The following CUX2 variants were observed in gnomAD, a reference collection of about 807,000 sequenced individuals.
CUX2 encodes homeobox protein cut-like 2.
A neutral mutation model predicts 144.8 loss-of-function variants in CUX2; 40 were observed. That is an observed-to-expected ratio of 0.28 (90% CI 0.21 to 0.36). CUX2 has a LOEUF of 0.36. CUX2 is among the 10% of genes least tolerant of loss of function. The pLI is 1.00. For synonymous variants in CUX2, 827 were observed against 875.6 expected (o/e 0.94, Z 0.98); for missense variants, 1,615 against 1,994.0 (o/e 0.81, Z 3.62).
At chr12:111,087,645 CATTTT>C (rs1387923905) in intron 1 of CUX2, among the ~76,000 whole-genome samples, 2 of 152,136 alleles carry the variant, frequency 1.3e-5, no homozygotes, top group African/African-American at 4.8e-5. Flanking sequence ...TTTGTTCAGT[CATTTT>C]GTTTTGTATC....
intron 1 of CUX2, among the ~76,000 whole-genome samples, chr12:111,097,723 G>A (rs947366325): frequency 6.6e-6 from 1 of 152,234 alleles, no homozygotes; most frequent in Non-Finnish European, 1.5e-5. Context: ...TCAGAGTCAG[G>A]AGCCAGGGAG....
intron 1 of CUX2, among the ~76,000 whole-genome samples, chr12:111,055,959 C>T (rs1388490602): frequency 3.3e-5 from 5 of 152,230 alleles, no homozygotes; most frequent in East Asian, 1.9e-4. Flanking sequence ...CACTTAGCTG[C>T]GTGGCTCTCA....
At chr12:111,128,523 A>G (rs1415496352) in intron 1 of CUX2, among the ~76,000 whole-genome samples, 1 of 152,170 alleles carries the variant, frequency 6.6e-6, no homozygotes, top group Non-Finnish European at 1.5e-5. Flanking sequence ...CTTGGGCCCA[A>G]TCACATATAT....
rs1888921009 is a variant in CUX2, at chr12:111,348,402, G to A, written c.*77G>A. ...CACTTACTCTCCTCAACAGGATGGG[G>A]TAAGGGAGGGAGGAACTCAACCATC... On this transcript the variant is annotated 3_prime_UTR_variant, in exon 22 of 22. Transcript: ENST00000261726. The A allele has an allele frequency of 2.2e-6, 3 of 1,340,290 alleles. No homozygotes were observed. The highest frequency in any genetic ancestry group is 1.4e-5 in the African/African-American group (1 of 69,374). The allele number at this position is 1,340,290 out of a possible 1,614,324, so 83.0% of individuals were successfully genotyped here. A position where few individuals can be genotyped will look rare whatever the true frequency, so the allele number is the denominator to read the frequency against.
At chr12:111,323,619 G>T (rs754439640) in intron 18 of CUX2, among the ~76,000 whole-genome samples, 1 of 151,194 alleles carries the variant, frequency 6.6e-6, no homozygotes, top group Non-Finnish European at 1.5e-5. Context: ...GAGGGAGACC[G>T]TGTCTCTACA....
chr12:111,185,282 A>T (rs559365054), intron 1 of CUX2, among the ~76,000 whole-genome samples: 1 of 152,336 alleles, frequency 6.6e-6, no homozygotes, highest in Admixed American at 6.5e-5. Flanking sequence ...AGCAGTGTCA[A>T]AATGGTACTG....
intron 1 of CUX2, among the ~76,000 whole-genome samples, chr12:111,175,109 G>A: frequency 6.6e-6 from 1 of 152,156 alleles, no homozygotes; most frequent in Non-Finnish European, 1.5e-5. Flanking sequence ...CATCCCTGGT[G>A]AAACAGCAAC....
intron 1 of CUX2, among the ~76,000 whole-genome samples, chr12:111,105,864 CTTT>C (rs1198818010): frequency 3.3e-4 from 44 of 132,330 alleles, no homozygotes; most frequent in African/African-American, 1.1e-3. Context: ...AATAATGAGT[CTTT>C]TTTTTTTTTT....
intron 16 of CUX2, among the ~76,000 whole-genome samples, chr12:111,318,592 CTT>C (rs111586172): frequency 0.033 from 4,523 of 136,122 alleles, 177 homozygotes; most frequent in African/African-American, 0.1. Flanking sequence ...GACCACATCT[CTT>C]TTTTTAAAAA....
Position 111,208,709 on chromosome 12 carries a change from A to G in CUX2, c.64-5491A>G, listed in dbSNP as rs137879827. 5.9e-5 allele frequency among the ~76,000 whole-genome samples: 9 copies of G among 152,344 alleles called. No homozygotes were observed. The East Asian group carries it at 1.7e-3, about 29-fold the overall frequency. On this transcript the variant is annotated intron_variant, in intron 1 of 21. Transcript: ENST00000261726. ...GGACATGAAATTGTAAGCATTCAGTAGAGCCAGTGTTAGAAGGGATTGACT... is the reference window on the plus strand; with the variant it reads ...GGACATGAAATTGTAAGCATTCAGTGGAGCCAGTGTTAGAAGGGATTGACT...
intron 1 of CUX2, among the ~76,000 whole-genome samples, chr12:111,143,174 C>T (rs1223224585): frequency 6.6e-6 from 1 of 152,122 alleles, no homozygotes; most frequent in Non-Finnish European, 1.5e-5. Context: ...GGCTGGTATC[C>T]AGCAACCAGC....
At chr12:111,333,482 G>A (rs761872599) in intron 18 of CUX2, among the ~76,000 whole-genome samples, 1 of 152,192 alleles carries the variant, frequency 6.6e-6, no homozygotes, top group African/African-American at 2.4e-5. Flanking sequence ...GATTTCGACA[G>A]TTCTGCCTTT....
At chr12:111,041,419 C>T (rs1427681632) in intron 1 of CUX2, among the ~76,000 whole-genome samples, 1 of 152,196 alleles carries the variant, frequency 6.6e-6, no homozygotes, top group Non-Finnish European at 1.5e-5. Flanking sequence ...TCTCTTCTCT[C>T]TTACTCCTTT....
chr12:111,311,596 TATTATTA>T (rs201652128), intron 15 of CUX2, among the ~76,000 whole-genome samples: 23 of 124,690 alleles, frequency 1.8e-4, no homozygotes, highest in African/African-American at 3.0e-4. Flanking sequence ...ATTTCTTTAT[TATTATTA>T]TTTTTTTTTT....
At chr12:111,294,952 G>T (rs1885894987) in intron 6 of CUX2, among the ~76,000 whole-genome samples, 1 of 152,086 alleles carries the variant, frequency 6.6e-6, no homozygotes, top group Non-Finnish European at 1.5e-5. Flanking sequence ...GACAGTATAA[G>T]TAACTCACAA....
Position 111,336,424 on chromosome 12 carries a change from T to TTGTGTGTG in CUX2, c.3196+1742_3196+1749dup, listed in dbSNP as rs57009074. On this transcript the variant is annotated intron_variant, in intron 19 of 21. Coordinates refer to ENST00000261726, the MANE Select transcript of CUX2 (RefSeq NM_015267.4). ...CATTGGCCTCTCAGACACTTCAGTGTTGTGTGTGTGTGTGTGTGTGTGTGT... is the reference window on the plus strand; with the variant it reads ...CATTGGCCTCTCAGACACTTCAGTGTTGTGTGTGTGTGTGTGTGTGTGTGTGTGTGTGT... 7.1e-3 allele frequency among the ~76,000 whole-genome samples: 1,038 copies of TTGTGTGTG among 146,114 alleles called. 10 individuals are homozygous for TTGTGTGTG. Among genetic ancestry groups the TTGTGTGTG allele is most frequent in the Middle Eastern group, 0.039 (11 of 284 alleles).
chr12:111,162,038 G>T (rs527298862), intron 1 of CUX2, among the ~76,000 whole-genome samples: 8 of 152,166 alleles, frequency 5.3e-5, no homozygotes, highest in African/African-American at 1.9e-4. Flanking sequence ...ACCTGGACAG[G>T]ATGTCATTTC....
At chr12:111,047,082 GCGTGTCTCCCAGC>G (rs1870031957) in intron 1 of CUX2, among the ~76,000 whole-genome samples, 2 of 152,252 alleles carry the variant, frequency 1.3e-5, no homozygotes, top group South Asian at 4.1e-4. Context: ...CCGGTTCCCA[GCGTGTCTCCCAGC>G]CTGGAGAATG....
intron 4 of CUX2, among the ~76,000 whole-genome samples, chr12:111,275,296 T>C (rs1195392786): frequency 6.6e-6 from 1 of 152,188 alleles, no homozygotes; most frequent in Non-Finnish European, 1.5e-5. Context: ...CATCAGCTCA[T>C]CAGAAGGGTC....
Sources: gnomAD v4.1 joint callset for allele counts (sites outside exome capture counted in the v4.1 genomes callset) on GRCh38, gnomAD v4.1.1 for gene constraint, MANE v1.5 for transcripts, NCBI Gene and HGNC (gene_info 2026-07-23, HGNC 2026-07-21) for gene names.